The following NCAM2 variants were observed in gnomAD, a reference collection of about 807,000 sequenced individuals.
NCAM2 encodes the protein N-CAM-2.
Under a neutral mutation model 98.1 loss-of-function variants are expected in NCAM2, and 30 were observed. That is an observed-to-expected ratio of 0.31 (90% CI 0.23 to 0.41). The LOEUF (loss-of-function observed/expected upper bound fraction) is 0.41, where lower values mean the gene tolerates loss of function less well. Among genes scored for constraint, NCAM2 ranks in the 10% least tolerant of loss-of-function variants. NCAM2 has a pLI of 1.00. For synonymous variants in NCAM2, 368 were observed against 342.4 expected (o/e 1.07, Z -0.83); for missense variants, 867 against 1,005.8 (o/e 0.86, Z 1.87).
intron 1 of NCAM2, among the ~76,000 whole-genome samples, chr21:21,168,522 CAG>C (rs1203142115): frequency 6.6e-6 from 1 of 152,006 alleles, no homozygotes; most frequent in Non-Finnish European, 1.5e-5. Context: ...TCACAGATGA[CAG>C]GGGTGTTTAT....
chr21:21,475,265 C>T (rs1378050379), intron 14 of NCAM2, among the ~76,000 whole-genome samples: 1 of 151,968 alleles, frequency 6.6e-6, no homozygotes, highest in Non-Finnish European at 1.5e-5. Context: ...GTGATATCAC[C>T]TCCCCACTGG....
intron 1 of NCAM2, among the ~76,000 whole-genome samples, chr21:21,080,335 G>A (rs1342124692): frequency 6.6e-6 from 1 of 152,074 alleles, no homozygotes; most frequent in Non-Finnish European, 1.5e-5. Context: ...AAGACTTCCT[G>A]GTGGGGCATG....
chr21:21,085,407 C>T (rs1185992455), intron 1 of NCAM2, among the ~76,000 whole-genome samples: 1 of 152,112 alleles, frequency 6.6e-6, no homozygotes, highest in Non-Finnish European at 1.5e-5. Flanking sequence ...CTCCGATTAT[C>T]TCTCCACTGG....
At chr21:21,061,247 AGTGTTCTTG>A (rs2065315372) in intron 1 of NCAM2, among the ~76,000 whole-genome samples, 2 of 152,118 alleles carry the variant, frequency 1.3e-5, no homozygotes, top group African/African-American at 4.8e-5. Context: ...TTTCTTTCAA[AGTGTTCTTG>A]AATATAGTCT....
intron 1 of NCAM2, among the ~76,000 whole-genome samples, chr21:21,278,098 T>G (rs1253295432): frequency 2.0e-5 from 3 of 152,080 alleles, no homozygotes; most frequent in Non-Finnish European, 4.4e-5. Flanking sequence ...GAAATAAGAT[T>G]ATATCTTAAA....
intron 1 of NCAM2, among the ~76,000 whole-genome samples, chr21:21,225,409 A>T (rs2070342261): frequency 6.6e-6 from 1 of 152,082 alleles, no homozygotes; most frequent in Non-Finnish European, 1.5e-5. Flanking sequence ...GATCTAAAAA[A>T]AATACAAAAA....
intron 1 of NCAM2, among the ~76,000 whole-genome samples, chr21:21,214,820 A>T (rs1349982529): frequency 8.8e-5 from 13 of 147,984 alleles, no homozygotes; most frequent in Non-Finnish European, 7.4e-5. Context: ...TGTATCGAAT[A>T]TATGTATATA....
chr21:21,460,375 A>C (rs1982790180), intron 12 of NCAM2, among the ~76,000 whole-genome samples: 1 of 151,860 alleles, frequency 6.6e-6, no homozygotes, highest in Non-Finnish European at 1.5e-5. Flanking sequence ...GCCTCCCTTT[A>C]CTGGTGTAGG....
chr21:21,030,892 CA>C (rs768919992), intron 1 of NCAM2, among the ~76,000 whole-genome samples: 2 of 151,918 alleles, frequency 1.3e-5, no homozygotes, highest in Non-Finnish European at 2.9e-5. Flanking sequence ...CGTTGTATGG[CA>C]AGGAATTCAT....
intron 1 of NCAM2, among the ~76,000 whole-genome samples, chr21:21,261,220 C>A (rs1204852154): frequency 4.6e-5 from 7 of 152,162 alleles, no homozygotes; most frequent in African/African-American, 1.7e-4. Flanking sequence ...TACTACTACA[C>A]CTAAGAGACA....
intron 1 of NCAM2, among the ~76,000 whole-genome samples, chr21:21,228,258 C>A (rs2070469758): frequency 6.6e-6 from 1 of 151,328 alleles, no homozygotes; most frequent in Non-Finnish European, 1.5e-5. Context: ...GCTAGAGGGG[C>A]TGTCAGATTA....
At chr21:21,107,110 G>T (rs1323055824) in intron 1 of NCAM2, among the ~76,000 whole-genome samples, 1 of 152,024 alleles carries the variant, frequency 6.6e-6, no homozygotes, top group Non-Finnish European at 1.5e-5. Flanking sequence ...GTTTATTGGA[G>T]TTCTTAAAAC....
At chr21:21,034,417 C>G (rs530526580) in intron 1 of NCAM2, among the ~76,000 whole-genome samples, 1 of 152,062 alleles carries the variant, frequency 6.6e-6, no homozygotes, top group African/African-American at 2.4e-5. Context: ...CTGGGTTGCA[C>G]TTTGAATCAG....
chr21:21,154,140 A>T (rs1466803860), intron 1 of NCAM2, among the ~76,000 whole-genome samples: 1 of 151,860 alleles, frequency 6.6e-6, no homozygotes, highest in East Asian at 1.9e-4. Flanking sequence ...ATATATGGGG[A>T]TAGAATAACA....
chr21:21,183,959 C>T (rs2068559054), intron 1 of NCAM2, among the ~76,000 whole-genome samples: 1 of 152,068 alleles, frequency 6.6e-6, no homozygotes, highest in Non-Finnish European at 1.5e-5. Flanking sequence ...TGAATGCTGA[C>T]CACTACATTT....
intron 16 of NCAM2, among the ~76,000 whole-genome samples, chr21:21,530,320 A>T (rs1283757632): frequency 1.8e-4 from 4 of 22,402 alleles, no homozygotes; most frequent in Admixed American, 6.6e-4. Context: ...ATATATAATT[A>T]AATTAAATTA....
At chr21:21,185,771 A>T (rs748074660) in intron 1 of NCAM2, among the ~76,000 whole-genome samples, 23 of 152,202 alleles carry the variant, frequency 1.5e-4, no homozygotes, top group Non-Finnish European at 2.2e-4. Flanking sequence ...ATGTTCACAC[A>T]TAAATTTACT....
intron 1 of NCAM2, among the ~76,000 whole-genome samples, chr21:21,063,635 G>A (rs1386354184): frequency 6.6e-6 from 1 of 152,108 alleles, no homozygotes. Context: ...CTTAGTATGT[G>A]TGTAGAACTT....
chr21:21,543,062 T>C lies in NCAM2; in HGVS notation c.*5105T>C, dbSNP rs1027443202. Reference sequence around the variant, plus strand: ...TGAACTGTATGCTGTGCTCAGTATGTACTGAAACATACTATCTTTTATTTT... The same window carrying C: ...TGAACTGTATGCTGTGCTCAGTATGCACTGAAACATACTATCTTTTATTTT... On this transcript the variant is annotated 3_prime_UTR_variant, in exon 18 of 18. Transcript: ENST00000400546. 3 of 151,868 alleles carry C rather than the reference T, an allele frequency of 2.0e-5. No homozygotes were observed. The highest frequency in any genetic ancestry group is 4.8e-5 in the African/African-American group (2 of 41,396). The allele number at this position is 151,868 out of a possible 1,614,324, so 9.4% of individuals were successfully genotyped here. A position where few individuals can be genotyped will look rare whatever the true frequency, so the allele number is the denominator to read the frequency against.
Sources: gnomAD v4.1 joint callset for allele counts (sites outside exome capture counted in the v4.1 genomes callset) on GRCh38, gnomAD v4.1.1 for gene constraint, MANE v1.5 for transcripts, NCBI Gene and HGNC (gene_info 2026-07-23, HGNC 2026-07-21) for gene names.